SAMTOR: variants seen among roughly 807,000 people sequenced by gnomAD.
SAMTOR encodes S-adenosylmethionine sensor upstream of mTORC1.
At chr7:112,905,062 T>C in the SAMTOR span, among the ~76,000 whole-genome samples, 1 of 152,120 alleles carries the variant, frequency 6.6e-6, no homozygotes, top group Non-Finnish European at 1.5e-5. Flanking sequence ...CTAAATCAAC[T>C]CAAGACCATA....
the SAMTOR span, among the ~76,000 whole-genome samples, chr7:112,926,003 G>T: frequency 2.6e-5 from 4 of 152,216 alleles, no homozygotes; most frequent in African/African-American, 9.6e-5. Context: ...CTAAAGAATG[G>T]GAGGCCACGG....
the SAMTOR span, among the ~76,000 whole-genome samples, chr7:112,876,101 C>T: frequency 6.6e-6 from 1 of 152,122 alleles, no homozygotes; most frequent in Non-Finnish European, 1.5e-5. Flanking sequence ...ACTGGGACTA[C>T]AGGCACATGC....
the SAMTOR span, among the ~76,000 whole-genome samples, chr7:112,836,690 G>A: frequency 6.6e-6 from 1 of 151,586 alleles, no homozygotes; most frequent in Non-Finnish European, 1.5e-5. Flanking sequence ...CATATGGCTA[G>A]TTATCCCAGC....
the SAMTOR span, among the ~76,000 whole-genome samples, chr7:112,900,158 T>C: frequency 6.6e-6 from 1 of 152,126 alleles, no homozygotes; most frequent in Non-Finnish European, 1.5e-5. Flanking sequence ...AAGAAGAGAT[T>C]TGTAATAAGG....
the SAMTOR span, among the ~76,000 whole-genome samples, chr7:112,913,190 C>T: frequency 2.0e-5 from 3 of 152,138 alleles, no homozygotes; most frequent in Non-Finnish European, 4.4e-5. Context: ...CATCCCATCT[C>T]CTATTATTTT....
chr7:112,903,711 A>AAAGT, the SAMTOR span, among the ~76,000 whole-genome samples: 2 of 152,234 alleles, frequency 1.3e-5, no homozygotes, highest in Non-Finnish European at 1.5e-5. Context: ...ACAAGATACA[A>AAAGT]AAGTAAGACT....
chr7:112,845,608 A>C, the SAMTOR span, among the ~76,000 whole-genome samples: 1 of 152,228 alleles, frequency 6.6e-6, no homozygotes, highest in Non-Finnish European at 1.5e-5. Context: ...GTTTGTGTAG[A>C]AAAGAAAATG....
At chr7:112,930,526 GCA>G in the SAMTOR span, among the ~76,000 whole-genome samples, 1 of 137,114 alleles carries the variant, frequency 7.3e-6, no homozygotes. Context: ...AGCAAAAGGG[GCA>G]AAAAAAAAAA....
At chr7:112,862,627 T>G in the SAMTOR span, among the ~76,000 whole-genome samples, 1 of 152,282 alleles carries the variant, frequency 6.6e-6, no homozygotes, top group East Asian at 1.9e-4. Context: ...GAATTAATGG[T>G]TTTAGAATTC....
At chr7:112,885,667 T>G in the SAMTOR span, among the ~76,000 whole-genome samples, 14 of 152,174 alleles carry the variant, frequency 9.2e-5, no homozygotes, top group Admixed American at 9.2e-4. Context: ...TTGACAAGTC[T>G]TTAGGAAGTT....
At chr7:112,896,596 A>G in the SAMTOR span, among the ~76,000 whole-genome samples, 1 of 152,236 alleles carries the variant, frequency 6.6e-6, no homozygotes, top group Non-Finnish European at 1.5e-5. Flanking sequence ...AAACTTATTC[A>G]GCATGAATTA....
At chr7:112,822,916 A>C in the SAMTOR span, among the ~76,000 whole-genome samples, 1 of 152,140 alleles carries the variant, frequency 6.6e-6, no homozygotes, top group Non-Finnish European at 1.5e-5. Flanking sequence ...TTATTCTATT[A>C]AAAAGTTAAT....
At chr7:112,896,265 C>T in the SAMTOR span, among the ~76,000 whole-genome samples, 1 of 151,958 alleles carries the variant, frequency 6.6e-6, no homozygotes, top group African/African-American at 2.4e-5. Flanking sequence ...ATATGGAGAG[C>T]GAGCGAGCTC....
the SAMTOR span, chr7:112,832,503 T>C: frequency 1.0e-6 from 1 of 984,156 alleles, no homozygotes. Context: ...AAGACAGTGC[T>C]TTTCTTTTGT....
chr7:112,829,618 A>G, the SAMTOR span, among the ~76,000 whole-genome samples: 34,448 of 152,010 alleles, frequency 0.23, 4,465 homozygotes, highest in Middle Eastern at 0.41. Context: ...TGGGTTCTAC[A>G]TAACTATGGA....
chr7:112,921,314 T>G, the SAMTOR span, among the ~76,000 whole-genome samples: 1 of 151,986 alleles, frequency 6.6e-6, no homozygotes, highest in African/African-American at 2.4e-5. Flanking sequence ...CTATCTGATC[T>G]TTGACAAACC....
At chr7:112,876,588 A>G in the SAMTOR span, among the ~76,000 whole-genome samples, 1 of 152,178 alleles carries the variant, frequency 6.6e-6, no homozygotes, top group African/African-American at 2.4e-5. Flanking sequence ...GGATCTACCC[A>G]GAGTTCACAG....
At chr7:112,915,065 C>A in the SAMTOR span, among the ~76,000 whole-genome samples, 35 of 151,878 alleles carry the variant, frequency 2.3e-4, no homozygotes, top group Non-Finnish European at 4.4e-4. Context: ...ATGGTGAAAC[C>A]CCATCTCTAC....
chr7:112,928,812 G>C, the SAMTOR span, among the ~76,000 whole-genome samples: 1 of 151,766 alleles, frequency 6.6e-6, no homozygotes, highest in East Asian at 1.9e-4. Context: ...TATTAAAAAG[G>C]CTTTTTCATT....
Sources: allele counts gnomAD v4.1 joint callset (sites outside exome capture counted in the v4.1 genomes callset), GRCh38; gene constraint gnomAD v4.1.1; transcripts MANE v1.5; gene names NCBI Gene and HGNC (gene_info 2026-07-23, HGNC 2026-07-21).